CTXND2: variants seen among roughly 807,000 people sequenced by gnomAD.
CTXND2 encodes cortexin domain containing 2.
At chr1:150,887,961 CA>C (rs1297232633) in intron 1 of CTXND2, among the ~76,000 whole-genome samples, 1 of 151,864 alleles carries the variant, frequency 6.6e-6, no homozygotes, top group Non-Finnish European at 1.5e-5. Flanking sequence ...TTAGTAGGTC[CA>C]AATTTAACAT....
chr1:150,893,676 C>G (rs1668880016), intron 1 of CTXND2, among the ~76,000 whole-genome samples: 1 of 152,138 alleles, frequency 6.6e-6, no homozygotes, highest in African/African-American at 2.4e-5. Context: ...CCCGGCTGGT[C>G]TCAAACTCCT....
At chr1:150,896,319 C>G (rs1255873892) in intron 1 of CTXND2, among the ~76,000 whole-genome samples, 2 of 152,188 alleles carry the variant, frequency 1.3e-5, no homozygotes, top group African/African-American at 2.4e-5. Context: ...TAAAGGTAGT[C>G]TCACTCTGGA....
chr1:150,900,349 A>G (rs1668987734), intron 1 of CTXND2, among the ~76,000 whole-genome samples: 1 of 152,136 alleles, frequency 6.6e-6, no homozygotes, highest in Non-Finnish European at 1.5e-5. Context: ...GCAAGACCAC[A>G]AACCCACTGG....
intron 1 of CTXND2, chr1:150,904,335 C>T (rs922771640): frequency 6.5e-5 from 23 of 355,102 alleles, no homozygotes; most frequent in East Asian, 4.8e-4. Context: ...AATATTTTGT[C>T]GGACAGTCCT....
chr1:150,900,290 G>A (rs1668985567), intron 1 of CTXND2, among the ~76,000 whole-genome samples: 1 of 151,162 alleles, frequency 6.6e-6, no homozygotes, highest in Non-Finnish European at 1.5e-5. Flanking sequence ...CCACCTTTAA[G>A]AGCTGTAACA....
chr1:150,900,819 A>G (rs1202239957), intron 1 of CTXND2, among the ~76,000 whole-genome samples: 1 of 152,224 alleles, frequency 6.6e-6, no homozygotes, highest in South Asian at 2.1e-4. Context: ...CCATTTACAT[A>G]AAATATATAA....
intron 1 of CTXND2, among the ~76,000 whole-genome samples, chr1:150,911,021 G>A (rs1240060817): frequency 6.6e-6 from 1 of 151,896 alleles, no homozygotes; most frequent in East Asian, 1.9e-4. Flanking sequence ...AGCCAGGATG[G>A]TCTCGATCTC....
exon 2 of CTXND2, chr1:150,912,767 A>G (rs1180079824): frequency 8.0e-6 from 2 of 249,342 alleles, no homozygotes; most frequent in Non-Finnish European, 1.5e-5. Context: ...ATGTAACATA[A>G]TGTCATCATG....
chr1:150,904,097 T>C (rs1669093295), intron 1 of CTXND2: 2 of 664,390 alleles, frequency 3.0e-6, no homozygotes, highest in Non-Finnish European at 5.6e-6. Context: ...GCTGATGGAG[T>C]ATTTGGAAAA....
At chr1:150,899,959 T>G (rs1194930508) in intron 1 of CTXND2, among the ~76,000 whole-genome samples, 1 of 152,002 alleles carries the variant, frequency 6.6e-6, no homozygotes, top group Non-Finnish European at 1.5e-5. Context: ...CAATCAGCAC[T>G]CTGTAAAAAC....
At chr1:150,891,215 T>C (rs1042513028) in intron 1 of CTXND2, among the ~76,000 whole-genome samples, 2 of 151,784 alleles carry the variant, frequency 1.3e-5, no homozygotes, top group Non-Finnish European at 2.9e-5. Flanking sequence ...TTCTTTCTTT[T>C]TTTTTTTCTT....
intron 1 of CTXND2, among the ~76,000 whole-genome samples, chr1:150,890,077 T>C (rs1668828118): frequency 6.6e-6 from 1 of 152,112 alleles, no homozygotes; most frequent in Admixed American, 6.6e-5. Context: ...GTATAGTATC[T>C]AGATGAATAA....
chr1:150,901,630 G>A (rs1235873956), intron 1 of CTXND2, among the ~76,000 whole-genome samples: 1 of 152,146 alleles, frequency 6.6e-6, no homozygotes, highest in African/African-American at 2.4e-5. Flanking sequence ...AACATTCAAT[G>A]GGGCTGGGAG....
At chr1:150,907,440 C>T (rs1259640105) in intron 1 of CTXND2, among the ~76,000 whole-genome samples, 1 of 152,142 alleles carries the variant, frequency 6.6e-6, no homozygotes, top group Non-Finnish European at 1.5e-5. Context: ...GCGTTTGTGA[C>T]TTGTTTCTTT....
chr1:150,903,478 G>A (rs587633307), intron 1 of CTXND2, among the ~76,000 whole-genome samples: 1 of 151,622 alleles, frequency 6.6e-6, no homozygotes, highest in East Asian at 1.9e-4. Flanking sequence ...AGTATGAGAT[G>A]AAAAAATAAA....
chr1:150,901,618 A>G (rs1669033262), intron 1 of CTXND2, among the ~76,000 whole-genome samples: 1 of 152,228 alleles, frequency 6.6e-6, no homozygotes, highest in Non-Finnish European at 1.5e-5. Flanking sequence ...CAGGGTGTCA[A>G]GAACATTCAA....
intron 1 of CTXND2, among the ~76,000 whole-genome samples, chr1:150,910,120 GT>G (rs1023134562): frequency 0.015 from 1,964 of 131,166 alleles, 31 homozygotes; most frequent in African/African-American, 0.046. Context: ...TCTTTTTTCT[GT>G]TTTTTTTTTT....
chr1:150,900,405 T>C (rs1668988970), intron 1 of CTXND2, among the ~76,000 whole-genome samples: 1 of 152,158 alleles, frequency 6.6e-6, no homozygotes, highest in South Asian at 2.1e-4. Flanking sequence ...GGAACAAACG[T>C]TGGACACACC....
At chr1:150,892,269 G>A (rs1668860518) in intron 1 of CTXND2, among the ~76,000 whole-genome samples, 1 of 152,042 alleles carries the variant, frequency 6.6e-6, no homozygotes, top group African/African-American at 2.4e-5. Flanking sequence ...ATAACTAAAT[G>A]CAATTTTTAA....
Sources: allele counts gnomAD v4.1 joint callset (sites outside exome capture counted in the v4.1 genomes callset), GRCh38; gene constraint gnomAD v4.1.1; transcripts MANE v1.5; gene names NCBI Gene and HGNC (gene_info 2026-07-23, HGNC 2026-07-21).